The following DISC1 variants were observed in gnomAD, a reference collection of about 807,000 sequenced individuals.
DISC1 encodes the protein DISC1 scaffold protein.
In DISC1, 57 loss-of-function variants were observed where a neutral mutation model predicts 84.5. The ratio of observed to expected loss-of-function variants is 0.67; its 90% CI spans 0.55 to 0.84. The LOEUF (loss-of-function observed/expected upper bound fraction) is 0.84, where lower values mean the gene tolerates loss of function less well. Ranked by LOEUF, DISC1 falls within the 40% of genes least tolerant of loss-of-function variation. DISC1 has a pLI of 0.00. For synonymous variants in DISC1, 411 were observed against 415.2 expected, an observed-to-expected ratio of 0.99 and a Z score of 0.12; for missense variants, 1,000 against 1,057.8, an observed-to-expected ratio of 0.95 and a Z score of 0.76.
intron 8 of DISC1, among the ~76,000 whole-genome samples, chr1:231,801,965 C>T (rs932791040): frequency 6.6e-6 from 1 of 151,892 alleles, no homozygotes; most frequent in Non-Finnish European, 1.5e-5. Flanking sequence ...ACTACAGGCA[C>T]CCGCCACCAC....
At chr1:231,888,511 G>A (rs545876449) in intron 9 of DISC1, among the ~76,000 whole-genome samples, 11 of 151,458 alleles carry the variant, frequency 7.3e-5, no homozygotes, top group South Asian at 4.2e-4. Context: ...TTGGGAGGCC[G>A]AGGGGGGTGG....
intron 1 of DISC1, among the ~76,000 whole-genome samples, chr1:231,677,626 C>T (rs1399136767): frequency 6.6e-6 from 1 of 152,212 alleles, no homozygotes; most frequent in African/African-American, 2.4e-5. Context: ...CAAACTGAGA[C>T]CTGGAGAGGC....
chr1:231,682,765 T>G (rs934565416), intron 1 of DISC1, among the ~76,000 whole-genome samples: 1 of 152,218 alleles, frequency 6.6e-6, no homozygotes, highest in Non-Finnish European at 1.5e-5. Flanking sequence ...TATATAATCA[T>G]GGTGCATGTA....
intron 12 of DISC1, 35 bp from the exon 13 acceptor site, chr1:232,036,657 T>C (rs1036084996): frequency 6.6e-7 from 1 of 1,521,538 alleles, no homozygotes; most frequent in Non-Finnish European, 8.9e-7. Context: ...AGGGCCACGA[T>C]CACCTTCGAA....
chr1:231,713,736 C>T lies in DISC1; in HGVS notation c.1117+11712C>T, dbSNP rs75440802. Among the ~76,000 whole-genome samples, 11 of 114,256 alleles carry T rather than the reference C, an allele frequency of 9.6e-5. 1 individual carries two copies. Among genetic ancestry groups the T allele is most frequent in the African/African-American group, 1.8e-4 (5 of 28,234 alleles). 75.0% of individuals were successfully genotyped at this position (114,256 alleles called of 152,430 possible). A position where few individuals can be genotyped will look rare whatever the true frequency, so the allele number is the denominator to read the frequency against. Reference sequence around the variant, plus strand: ...TATATATATATATAGGAGATATATACATATATATAGGAGATATATATATAG... The same window carrying T: ...TATATATATATATAGGAGATATATATATATATATAGGAGATATATATATAG... On this transcript the variant is annotated intron_variant, in intron 3 of 12. Transcript: ENST00000439617.
chr1:231,868,689 C>G (rs933235936), intron 9 of DISC1, among the ~76,000 whole-genome samples: 4 of 108,898 alleles, frequency 3.7e-5, no homozygotes, highest in African/African-American at 1.3e-4. Flanking sequence ...AAGACCCCAT[C>G]TCTTATATAT....
At chr1:231,870,620 A>C (rs1315087721) in intron 9 of DISC1, among the ~76,000 whole-genome samples, 1 of 152,192 alleles carries the variant, frequency 6.6e-6, no homozygotes, top group Non-Finnish European at 1.5e-5. Flanking sequence ...GTGCAGCACG[A>C]ACTGTGGCAT....
At chr1:231,995,846 G>A (rs1363341028) in intron 10 of DISC1, among the ~76,000 whole-genome samples, 4 of 151,432 alleles carry the variant, frequency 2.6e-5, no homozygotes, top group African/African-American at 9.7e-5. Flanking sequence ...AGTCCTTTGG[G>A]TATATACCCA....
chr1:231,973,681 C>T (rs1387293067), intron 10 of DISC1, among the ~76,000 whole-genome samples: 1 of 152,208 alleles, frequency 6.6e-6, no homozygotes, highest in African/African-American at 2.4e-5. Context: ...ATGCATTTTT[C>T]CTAGGCCTAT....
chr1:231,646,651 G>A (rs538612036), intron 1 of DISC1, among the ~76,000 whole-genome samples: 2 of 152,250 alleles, frequency 1.3e-5, no homozygotes, highest in African/African-American at 4.8e-5. Flanking sequence ...TTCCACAATG[G>A]TTGAACTAGT....
At chr1:231,719,475 C>G (rs2125087815) in intron 3 of DISC1, among the ~76,000 whole-genome samples, 1 of 152,292 alleles carries the variant, frequency 6.6e-6, no homozygotes. Context: ...TTGTTAAAAA[C>G]CTGACTGCAA....
intron 3 of DISC1, among the ~76,000 whole-genome samples, chr1:231,734,610 CAACTT>C (rs1282178249): frequency 6.6e-6 from 1 of 152,158 alleles, no homozygotes; most frequent in African/African-American, 2.4e-5. Context: ...TAGTCATTCA[CAACTT>C]AACTGGTTTA....
At chr1:232,035,763 G>A (rs201941037) in intron 12 of DISC1, among the ~76,000 whole-genome samples, 71 of 152,288 alleles carry the variant, frequency 4.7e-4, no homozygotes, top group Non-Finnish European at 7.2e-4. Context: ...ATTTGCCTTA[G>A]AGTTGTTCTG....
chr1:232,006,763 C>T (rs860272), intron 10 of DISC1, among the ~76,000 whole-genome samples: 42,964 of 151,950 alleles, frequency 0.28, 6,339 homozygotes, highest in African/African-American at 0.33. Flanking sequence ...TAACAAGCAA[C>T]CAAATGTTAA....
chr1:231,973,910 T>C (rs1662410387), intron 10 of DISC1, among the ~76,000 whole-genome samples: 1 of 152,236 alleles, frequency 6.6e-6, no homozygotes, highest in Non-Finnish European at 1.5e-5. Context: ...AGGCAAGTTA[T>C]GATACGGAGT....
chr1:231,941,357 A>G (rs916059379), intron 9 of DISC1, among the ~76,000 whole-genome samples: 1 of 152,132 alleles, frequency 6.6e-6, no homozygotes, highest in Non-Finnish European at 1.5e-5. Flanking sequence ...TTTCTGCTTT[A>G]TAAAGCAACA....
intron 3 of DISC1, chr1:231,724,167 C>A (rs1473976618): frequency 2.3e-6 from 1 of 443,728 alleles, no homozygotes; most frequent in Non-Finnish European, 3.0e-6. Context: ...ATTGTCATAT[C>A]CTCTGTGTGG....
chr1:231,729,907 A>T (rs1292357884), intron 3 of DISC1, among the ~76,000 whole-genome samples: 4 of 152,180 alleles, frequency 2.6e-5, no homozygotes, highest in Admixed American at 6.5e-5. Flanking sequence ...ATTATATTTT[A>T]AAAAATAATG....
At chr1:231,907,637 G>A (rs1444118951) in intron 9 of DISC1, among the ~76,000 whole-genome samples, 11 of 152,274 alleles carry the variant, frequency 7.2e-5, no homozygotes, top group Admixed American at 3.9e-4. Context: ...ATAAACATAC[G>A]TGTGCATGTG....
Sources: gnomAD v4.1 joint callset for allele counts (sites outside exome capture counted in the v4.1 genomes callset) on GRCh38, gnomAD v4.1.1 for gene constraint, MANE v1.5 for transcripts, NCBI Gene and HGNC (gene_info 2026-07-23, HGNC 2026-07-21) for gene names.